Variants in IGDCC4 observed in about 807,000 individuals in gnomAD.
IGDCC4 encodes the protein immunoglobulin superfamily DCC subclass member 4.
In IGDCC4, 72 loss-of-function variants were observed where a neutral mutation model predicts 116.6. The observed-to-expected ratio is 0.62, with a 90% confidence interval of 0.51 to 0.75. The LOEUF (loss-of-function observed/expected upper bound fraction) is 0.75. IGDCC4 is among the 30% of genes least tolerant of loss of function. The pLI is 0.00. For missense variants in IGDCC4, 1,501 were observed against 1,662.4 expected (o/e 0.90, Z 1.69); for synonymous variants, 709 against 719.9 (o/e 0.98, Z 0.24).
rs766176398 is a variant in IGDCC4, at chr15:65,392,294, G to T, written c.1962C>A (p.His654Gln). 4 of 1,599,474 alleles carry T rather than the reference G, an allele frequency of 2.5e-6. No individual in the cohort carries two copies. The highest frequency in any genetic ancestry group is 2.3e-5 in the East Asian group (1 of 44,442). The part of the protein sequence containing the change: ...SLVVSWQPPP[H>Q]PTQISGYKLY... ...GTTTGTAGCCAGAGATCTGGGTGGG[G>T]TGAGGGGGTGGCTGCCATGACACGA... The change falls in exon 11 of 20, where the codon CAC (histidine) becomes CAA (glutamine). Residue 654 changes from histidine to glutamine, a missense_variant. Physicochemically the swap from His to Gln is conservative, Grantham distance 24. This residue lies in a region of IGDCC4 where 898 missense variants were observed against 978.9 expected (regional missense o/e 0.92). Transcript: ENST00000352385.
chr15:65,412,531 A>T (rs2063105846), intron 1 of IGDCC4, among the ~76,000 whole-genome samples: 1 of 149,830 alleles, frequency 6.7e-6, no homozygotes, highest in Non-Finnish European at 1.5e-5. Context: ...AAAAAAAAAA[A>T]AAAAAAAGCA....
At position 65,390,298 on chromosome 15, in the gene IGDCC4, G is replaced by A. The variant is rs760671350; in HGVS notation, c.2265C>T (p.His755=). 3.5e-5 allele frequency: 56 copies of A among 1,610,294 alleles called. No individual in the cohort carries two copies. The highest frequency in any genetic ancestry group is 1.3e-4 in the South Asian group (12 of 90,864). Residue 755 remains histidine (H), a synonymous_variant, in exon 13 of 20, where the codon CAC becomes CAT. Transcript: ENST00000352385. The stretch of plus-strand genomic sequence containing the variant: ...TGGAGCTGTTTGATTCCGCATGGAC[G>A]TGGGCTGGAGGCAGGGGTGGTCCCC... ...IQRGPPLPPA[H]VHAESNSSTS...
At chr15:65,387,265 G>C (rs1404502982) in intron 16 of IGDCC4, among the ~76,000 whole-genome samples, 1 of 152,114 alleles carries the variant, frequency 6.6e-6, no homozygotes, top group African/African-American at 2.4e-5. Flanking sequence ...GGCCTCAAGT[G>C]ATCCTCTCAC....
intron 12 of IGDCC4, among the ~76,000 whole-genome samples, chr15:65,391,600 AC>A (rs774942458): frequency 6.6e-6 from 1 of 152,226 alleles, no homozygotes; most frequent in Non-Finnish European, 1.5e-5. Flanking sequence ...TTACTGATCA[AC>A]CATAGGGTTT....
intron 1 of IGDCC4, among the ~76,000 whole-genome samples, chr15:65,413,554 G>A (rs1180819608): frequency 6.6e-6 from 1 of 152,192 alleles, no homozygotes; most frequent in African/African-American, 2.4e-5. Flanking sequence ...CCAATGTTCT[G>A]CAGGGCCCAG....
intron 3 of IGDCC4, 97 bp downstream of exon 3, chr15:65,410,081 A>G: frequency 2.1e-6 from 3 of 1,420,840 alleles, no homozygotes; most frequent in Middle Eastern, 2.5e-4. Context: ...GCTTAGGTAA[A>G]TGCAGCTACC....
chr15:65,388,667 G>A, intron 15 of IGDCC4, 81 bp from the exon 16 acceptor site: 2 of 1,601,910 alleles, frequency 1.2e-6, no homozygotes, highest in Non-Finnish European at 1.7e-6. Flanking sequence ...GGGACTGGGA[G>A]AGTCTGCTCT....
At chr15:65,386,419 C>A in intron 17 of IGDCC4, 132 bp downstream of exon 17, 1 of 783,258 alleles carries the variant, frequency 1.3e-6, no homozygotes, top group South Asian at 1.5e-5. Flanking sequence ...ATTCCTTCAT[C>A]CCAGAGTCCT....
chr15:65,396,503 C>T (rs957417551), intron 6 of IGDCC4: 15 of 563,966 alleles, frequency 2.7e-5, no homozygotes, highest in East Asian at 1.9e-4. Flanking sequence ...CCCACACCTA[C>T]CAGATCTACC....
chr15:65,399,289 C>A (rs901865533), intron 5 of IGDCC4, among the ~76,000 whole-genome samples: 1 of 151,882 alleles, frequency 6.6e-6, no homozygotes, highest in African/African-American at 2.4e-5. Flanking sequence ...TGCGCAACAT[C>A]TAGAAACCCT....
chr15:65,384,103 T>A lies in IGDCC4; in HGVS notation c.3659A>T (p.Glu1220Val). 6.2e-7 allele frequency: 1 copy of A among 1,613,894 alleles called. No individual in the cohort carries two copies. Among genetic ancestry groups the A allele is most frequent in the Non-Finnish European group, 8.5e-7 (1 of 1,179,922 alleles). Reference sequence around the variant, plus strand: ...CTGGCAGCTATCTCCAGGGGTCTCCTCTAGCACCTCGCCTGGCTGGAGGTC... The same window carrying A: ...CTGGCAGCTATCTCCAGGGGTCTCCACTAGCACCTCGCCTGGCTGGAGGTC... ...YPDLQPGEVL[E>V]ETPGDSCQLK... is the part of the protein sequence containing the mutation. Residue 1220 changes from glutamate to valine, a missense_variant, in exon 20 of 20, where the codon GAG becomes GTG. Physicochemically the swap from Glu to Val is moderately radical, Grantham distance 121 (BLOSUM62 -2). Transcript: ENST00000352385. The surrounding 1 kb of genome is among the most constrained non-coding windows in gnomAD (Gnocchi z 4.9).
intron 9 of IGDCC4, 39 bp downstream of exon 9, chr15:65,394,372 A>G (rs746680253): frequency 5.0e-6 from 8 of 1,610,368 alleles, no homozygotes; most frequent in East Asian, 4.5e-5. Context: ...CACGTTGATC[A>G]TTCCCATACA....
intron 3 of IGDCC4, among the ~76,000 whole-genome samples, chr15:65,405,507 T>C (rs963337506): frequency 1.6e-4 from 24 of 152,224 alleles, no homozygotes; most frequent in Admixed American, 5.2e-4. Context: ...GCCACAGTTT[T>C]CTCATTTGAA....
intron 16 of IGDCC4, among the ~76,000 whole-genome samples, chr15:65,388,094 A>C (rs755074004): frequency 3.3e-5 from 5 of 152,072 alleles, no homozygotes; most frequent in Admixed American, 6.5e-5. Context: ...AAATACAAAA[A>C]TTAGCCGGGC....
At position 65,395,862 on chromosome 15, in the gene IGDCC4, C is replaced by T; in HGVS notation, c.1299G>A (p.Thr433=). Residue 433 remains threonine (T), a synonymous_variant, in exon 7 of 20, where the codon ACG becomes ACA. Transcript: ENST00000352385. ...VVREGLPSAP[T]RVTATPLSSS... ...TGCTCAGTGGCGTAGCAGTGACCCG[C>T]GTGGGGGCGCTGGGCAGCCCCTCGC... The T allele has an allele frequency of 1.3e-6, 2 of 1,579,724 alleles. 1 individual carries two copies. Among genetic ancestry groups the T allele is most frequent in the Non-Finnish European group, 1.7e-6 (2 of 1,170,054 alleles).
chr15:65,412,248 T>C (rs1228205395), intron 1 of IGDCC4, among the ~76,000 whole-genome samples: 2 of 151,814 alleles, frequency 1.3e-5, no homozygotes, highest in African/African-American at 4.8e-5. Flanking sequence ...GTGCAGTGGC[T>C]CACACCTGTA....
intron 4 of IGDCC4, among the ~76,000 whole-genome samples, chr15:65,401,862 T>G (rs929972012): frequency 6.6e-6 from 1 of 152,148 alleles, no homozygotes; most frequent in African/African-American, 2.4e-5. Context: ...TCCATCACAC[T>G]GGGGCAAGAG....
rs1013307660 is a variant in IGDCC4, at chr15:65,384,682, C to G, written c.3343-263G>C. ...GACAGGAGGAAGGGCTGAGCGTACT[C>G]AGGCCAGCCACACCCTCAGATCCAC... is the stretch of plus-strand genomic sequence containing the variant. On this transcript the variant is annotated intron_variant, in intron 19 of 19. Coordinates refer to ENST00000352385, the MANE Select transcript of IGDCC4 (RefSeq NM_020962.3). The surrounding 1 kb of genome is among the most constrained non-coding windows in gnomAD (Gnocchi z 4.9). Among the ~76,000 whole-genome samples the G allele has an allele frequency of 6.6e-6, 1 of 152,162 alleles. No homozygotes were observed. The highest frequency in any genetic ancestry group is 2.4e-5 in the African/African-American group (1 of 41,424).
rs777050099 is a variant in IGDCC4, at chr15:65,388,480, C to T, written c.2814G>A (p.Gln938=). 4.3e-6 allele frequency: 7 copies of T among 1,614,056 alleles called. No individual in the cohort carries two copies. Among genetic ancestry groups the T allele is most frequent in the Non-Finnish European group, 5.1e-6 (6 of 1,180,034 alleles). ...GCTTCTCCTGGAGCGTGATCACATC[C>T]TGCAGGCGGGAGAAAGGCCCAGGTC... ...EVGPGPFSRL[Q]DVITLQEKLS... Residue 938 remains glutamine, a synonymous_variant, in exon 16 of 20, where the codon CAG becomes CAA. Coordinates refer to ENST00000352385, the MANE Select transcript of IGDCC4 (RefSeq NM_020962.3).
Sources: allele counts gnomAD v4.1 joint callset (sites outside exome capture counted in the v4.1 genomes callset), GRCh38; gene constraint gnomAD v4.1.1; regional missense constraint gnomAD v4.1.1; non-coding constraint Gnocchi (gnomAD v3.1); transcripts MANE v1.5; gene names NCBI Gene and HGNC (gene_info 2026-07-23, HGNC 2026-07-21).